Variants in GALNTL6 observed in about 807,000 individuals in gnomAD.
GALNTL6 encodes the protein polypeptide N-acetylgalactosaminyltransferase-like 6.
In GALNTL6, 46 loss-of-function variants were observed where a neutral mutation model predicts 73.7. The ratio of observed to expected loss-of-function variants is 0.62; its 90% confidence interval spans 0.49 to 0.80. The LOEUF (loss-of-function observed/expected upper bound fraction) is 0.80, where lower values mean the gene tolerates loss of function less well. GALNTL6 is among the 30% of genes least tolerant of loss of function. The pLI, the probability that GALNTL6 is intolerant of heterozygous loss-of-function variation, is 0.00. For synonymous variants in GALNTL6, 259 were observed against 263.7 expected (o/e 0.98, Z 0.17); for missense variants, 604 against 755.0 (o/e 0.80, Z 2.34).
intron 2 of GALNTL6, among the ~76,000 whole-genome samples, chr4:172,185,944 A>T (rs762491364): frequency 9.2e-5 from 14 of 152,186 alleles, no homozygotes; most frequent in Non-Finnish European, 1.6e-4. Context: ...AATTTCTCAG[A>T]AGGAAGGAAT....
At chr4:171,820,241 G>C (rs1251127510) in intron 2 of GALNTL6, among the ~76,000 whole-genome samples, 6 of 152,128 alleles carry the variant, frequency 3.9e-5, no homozygotes, top group Non-Finnish European at 7.4e-5. Context: ...GTTGATGTCT[G>C]TCACTGCTTA....
intron 2 of GALNTL6, among the ~76,000 whole-genome samples, chr4:171,881,671 T>C (rs1021610282): frequency 1.4e-4 from 21 of 152,286 alleles, no homozygotes; most frequent in African/African-American, 5.1e-4. Flanking sequence ...GCTTAAGGGA[T>C]TTAGGGAATA....
rs369708362 is a variant in GALNTL6, at chr4:172,881,332, CA to C, written c.924-1454del. Reference sequence around the variant, plus strand: ...ACATATGATTCTAGGATTTTTATTACAAAACAAAAAATTACATGAGAGAGTG... The same window carrying C: ...ACATATGATTCTAGGATTTTTATTACAAACAAAAAATTACATGAGAGAGTG... On this transcript the variant is annotated intron_variant, in intron 7 of 12. Transcript: ENST00000506823. 5.5e-3 allele frequency among the ~76,000 whole-genome samples: 832 copies of C among 152,152 alleles called. 9 individuals are homozygous for C. Among genetic ancestry groups the C allele is most frequent in the African/African-American group, 0.018 (757 of 41,528 alleles).
chr4:172,156,256 C>T (rs1424480598), intron 2 of GALNTL6, among the ~76,000 whole-genome samples: 2 of 152,010 alleles, frequency 1.3e-5, no homozygotes, highest in East Asian at 1.9e-4. Flanking sequence ...CTTCCTGTTT[C>T]TGCTATCTTC....
intron 2 of GALNTL6, among the ~76,000 whole-genome samples, chr4:171,970,926 T>C (rs1199409674): frequency 6.6e-6 from 1 of 152,200 alleles, no homozygotes; most frequent in African/African-American, 2.4e-5. Context: ...TTAGAGTTAA[T>C]TCAATTGATA....
intron 8 of GALNTL6, among the ~76,000 whole-genome samples, chr4:172,927,464 G>A: frequency 6.6e-6 from 1 of 152,056 alleles, no homozygotes; most frequent in East Asian, 1.9e-4. Context: ...TACTACTGTT[G>A]CATAACAAAG....
intron 3 of GALNTL6, among the ~76,000 whole-genome samples, chr4:172,275,942 G>A (rs1475958658): frequency 6.6e-6 from 1 of 152,218 alleles, no homozygotes; most frequent in East Asian, 1.9e-4. Context: ...GGACAACACA[G>A]TGAGACTCTG....
intron 2 of GALNTL6, among the ~76,000 whole-genome samples, chr4:172,128,338 G>GC (rs1406749223): frequency 6.6e-6 from 1 of 152,040 alleles, no homozygotes; most frequent in Non-Finnish European, 1.5e-5. Context: ...AGCTGACTAT[G>GC]CCAGATTTTA....
At chr4:172,929,277 A>G (rs10520249) in intron 8 of GALNTL6, among the ~76,000 whole-genome samples, 12,347 of 152,214 alleles carry the variant, frequency 0.081, 636 homozygotes, top group Non-Finnish European at 0.12. Flanking sequence ...GACCTTAATC[A>G]CCATTTGTTC....
chr4:172,569,279 T>C (rs1467253845), intron 5 of GALNTL6, among the ~76,000 whole-genome samples: 3 of 152,156 alleles, frequency 2.0e-5, no homozygotes, highest in Non-Finnish European at 4.4e-5. Context: ...TGTCTTCACA[T>C]GATGGAAAGG....
At chr4:172,513,309 T>G (rs960103697) in intron 5 of GALNTL6, among the ~76,000 whole-genome samples, 2 of 152,198 alleles carry the variant, frequency 1.3e-5, no homozygotes, top group African/African-American at 4.8e-5. Context: ...AAGTTGTGAT[T>G]GTTTTTTATT....
chr4:172,591,564 T>C (rs1579219981), intron 5 of GALNTL6, among the ~76,000 whole-genome samples: 1 of 152,324 alleles, frequency 6.6e-6, no homozygotes, highest in African/African-American at 2.4e-5. Flanking sequence ...ATTTTACTGC[T>C]ATTTTTAAAA....
At chr4:172,910,829 C>T (rs1747158964) in intron 8 of GALNTL6, among the ~76,000 whole-genome samples, 1 of 151,990 alleles carries the variant, frequency 6.6e-6, no homozygotes, top group African/African-American at 2.4e-5. Flanking sequence ...TTTCCTCACC[C>T]CTTACACCTC....
intron 3 of GALNTL6, among the ~76,000 whole-genome samples, chr4:172,230,815 A>G (rs1737037635): frequency 6.6e-6 from 1 of 151,502 alleles, no homozygotes; most frequent in Non-Finnish European, 1.5e-5. Context: ...CAGCCCTGAG[A>G]CACTGCATTC....
chr4:172,898,031 G>A (rs1436817164), intron 8 of GALNTL6, among the ~76,000 whole-genome samples: 1 of 138,154 alleles, frequency 7.2e-6, no homozygotes, highest in African/African-American at 3.2e-5. Context: ...ACAGATAGAA[G>A]AATTAAGACA....
At chr4:172,187,244 A>C (rs543308711) in intron 2 of GALNTL6, among the ~76,000 whole-genome samples, 1 of 152,104 alleles carries the variant, frequency 6.6e-6, no homozygotes, top group Admixed American at 6.6e-5. Flanking sequence ...AGTGTGGAAC[A>C]TAAGACTTCA....
intron 9 of GALNTL6, among the ~76,000 whole-genome samples, chr4:172,938,426 G>A (rs2111339283): frequency 6.6e-6 from 1 of 152,342 alleles, no homozygotes; most frequent in African/African-American, 2.4e-5. Context: ...AGAGCACAAT[G>A]TCAGGCAAAC....
At chr4:171,872,810 A>G (rs1282574072) in intron 2 of GALNTL6, among the ~76,000 whole-genome samples, 1 of 152,158 alleles carries the variant, frequency 6.6e-6, no homozygotes, top group Non-Finnish European at 1.5e-5. Context: ...TAAAGGTCCC[A>G]TTTCCAAATA....
chr4:173,036,147 G>A (rs142054434), intron 12 of GALNTL6, among the ~76,000 whole-genome samples: 111 of 152,210 alleles, frequency 7.3e-4, no homozygotes, highest in African/African-American at 2.5e-3. Context: ...AATCCCCTAC[G>A]CCACAAATCC....
Sources: gnomAD v4.1 joint callset for allele counts (sites outside exome capture counted in the v4.1 genomes callset) on GRCh38, gnomAD v4.1.1 for gene constraint, MANE v1.5 for transcripts, NCBI Gene and HGNC (gene_info 2026-07-23, HGNC 2026-07-21) for gene names.